Variants in CD4 observed in about 807,000 individuals in gnomAD.
CD4 encodes CD4 molecule.
A neutral mutation model predicts 50.5 loss-of-function variants in CD4; 25 were observed. The ratio of observed to expected loss-of-function variants is 0.49; its 90% CI spans 0.36 to 0.69. CD4 has a LOEUF of 0.69. CD4 is among the 30% of genes least tolerant of loss of function. The probability of loss-of-function intolerance (pLI) is 0.00; values close to 1 mark genes in which losing one functional copy is unlikely to be tolerated. For missense variants in CD4, 456 were observed against 548.5 expected (o/e 0.83, Z 1.68); for synonymous variants, 207 against 221.9 (o/e 0.93, Z 0.60).
intron 4 of CD4, 108 bp downstream of exon 4, chr12:6,814,408 A>G: frequency 8.4e-7 from 1 of 1,196,444 alleles, no homozygotes; most frequent in Non-Finnish European, 1.2e-6. Flanking sequence ...CAGCAGCCCC[A>G]AGAGGACCAG....
At position 6,816,855 on chromosome 12, in the gene CD4, C is replaced by T. The variant is rs1362872321; in HGVS notation, c.956-275C>T. Among the ~76,000 whole-genome samples the T allele has an allele frequency of 6.6e-6, 1 of 152,214 alleles. No individual in the cohort carries two copies. The highest frequency in any genetic ancestry group is 2.4e-5 in the African/African-American group (1 of 41,446). Reference sequence around the variant, plus strand: ...AATGGCTAACACTTGATGCTCAGCACGTGTCGGGCCCCATCCAAACACTTT... The same window carrying T: ...AATGGCTAACACTTGATGCTCAGCATGTGTCGGGCCCCATCCAAACACTTT... On this transcript the variant is annotated intron_variant, in intron 6 of 9. Coordinates refer to ENST00000011653, the MANE Select transcript of CD4 (RefSeq NM_000616.5). This position sits in a 1 kb window ranked among gnomAD's most constrained non-coding sequence, Gnocchi z 4.9.
At chr12:6,811,434 G>A (rs1388614075) in intron 3 of CD4, among the ~76,000 whole-genome samples, 2 of 151,244 alleles carry the variant, frequency 1.3e-5, no homozygotes, top group African/African-American at 4.9e-5. Flanking sequence ...TAGCGAAATA[G>A]CCTGAATTAT....
Position 6,800,128 on chromosome 12 carries a change from G to A in CD4, c.-11G>A, listed in dbSNP as rs782169454. The A allele has an allele frequency of 3.7e-6, 6 of 1,613,664 alleles. No individual in the cohort carries two copies. The highest frequency in any genetic ancestry group is 3.3e-4 in the Middle Eastern group (2 of 6,068). On this transcript the variant is annotated 5_prime_UTR_variant, in exon 2 of 10. Transcript: ENST00000011653. ...CTGGCTCAGGCCCCTGCCTCCCTCG[G>A]CAAGGCCACAATGAACCGGGGAGTC...
rs199890832 is a variant in CD4 at position 6,800,433 on chromosome 12, T to A, written c.176T>A (p.Ile59Lys). Reference protein sequence around the residue: ...IQFHWKNSNQIKILGNQGSFL... With the variant: ...IQFHWKNSNQKKILGNQGSFL... ...TTCCACTGGAAAAACTCCAACCAGA[T>A]AAAGATTCTGGGAAATCAGGGCTCC... is the stretch of plus-strand genomic sequence containing the variant. Residue 59 changes from isoleucine (I) to lysine (K), a missense_variant, in exon 3 of 10, where the codon ATA becomes AAA. Transcript: ENST00000011653. The A allele has an allele frequency of 1.2e-5, 20 of 1,613,976 alleles. No homozygotes were observed. The highest frequency in any genetic ancestry group is 1.6e-5 in the Non-Finnish European group (19 of 1,179,962).
chr12:6,801,159 G>C (rs782604367), intron 3 of CD4, among the ~76,000 whole-genome samples: 6 of 151,256 alleles, frequency 4.0e-5, no homozygotes, highest in Non-Finnish European at 7.4e-5. Flanking sequence ...ACTCACCTTG[G>C]CCTCTCAGAG....
chr12:6,799,654 T>C (rs1942476102), intron 1 of CD4: 1 of 155,126 alleles, frequency 6.4e-6, no homozygotes, highest in Non-Finnish European at 1.4e-5. Context: ...CTAATTTTTG[T>C]ATTTTTAGTA....
chr12:6,804,456 A>C, intron 3 of CD4, among the ~76,000 whole-genome samples: 1 of 152,386 alleles, frequency 6.6e-6, no homozygotes, highest in South Asian at 2.1e-4. Context: ...GAAACTTCTT[A>C]GAATTAATAA....
intron 3 of CD4, among the ~76,000 whole-genome samples, chr12:6,804,957 A>G (rs1310526390): frequency 6.7e-6 from 1 of 149,980 alleles, no homozygotes; most frequent in Non-Finnish European, 1.5e-5. Context: ...CGGAGCTTGC[A>G]GTGAGCTGAG....
chr12:6,814,107 G>A (rs1555117423), intron 3 of CD4, 35 bp from the exon 4 acceptor site: 12 of 1,591,922 alleles, frequency 7.5e-6, no homozygotes, highest in Middle Eastern at 1.7e-4. Context: ...TCTCCAGGGC[G>A]CCTCAGTCCC....
chr12:6,799,092 T>A (rs1003442648), intron 1 of CD4: 1 of 152,214 alleles, frequency 6.6e-6, no homozygotes, highest in Admixed American at 6.5e-5. Flanking sequence ...TCTCAGAGCA[T>A]CCAGTTAGGG....
At chr12:6,789,866 C>T (rs1347649503) in intron 1 of CD4, among the ~76,000 whole-genome samples, 1 of 152,238 alleles carries the variant, frequency 6.6e-6, no homozygotes, top group Non-Finnish European at 1.5e-5. Context: ...AGACTCCTCT[C>T]TGCAGCCCCA....
chr12:6,808,352 T>C (rs782283545), intron 3 of CD4, among the ~76,000 whole-genome samples: 52 of 107,790 alleles, frequency 4.8e-4, no homozygotes, highest in Admixed American at 8.8e-4. Context: ...CTTGGGAGGC[T>C]GAGGCAGGAG....
intron 3 of CD4, among the ~76,000 whole-genome samples, chr12:6,806,188 CAAGT>C (rs869168039): frequency 2.7e-5 from 2 of 74,756 alleles, no homozygotes; most frequent in Admixed American, 1.5e-4. Flanking sequence ...CACACATACA[CAAGT>C]ATATACACAT....
At position 6,818,736 on chromosome 12, in the gene CD4, G is replaced by C. The variant is rs1242726501; in HGVS notation, c.1279-111G>C. ...GAGTTAATTCCAGGATAGATGGCCTGGGCCATGTAACTGCTTCTCCTGTCG... is the reference window on the plus strand; with the variant it reads ...GAGTTAATTCCAGGATAGATGGCCTCGGCCATGTAACTGCTTCTCCTGTCG... On this transcript the variant is annotated intron_variant, in intron 8 of 9. Transcript: ENST00000011653. The surrounding 1 kb of genome is among the most constrained non-coding windows in gnomAD (Gnocchi z 5.0). 2 of 1,200,624 alleles carry C rather than the reference G, an allele frequency of 1.7e-6. No individual in the cohort carries two copies. The highest frequency in any genetic ancestry group is 2.5e-6 in the Non-Finnish European group (2 of 808,168). The allele number at this position is 1,200,624 out of a possible 1,614,324, so 74.4% of individuals were successfully genotyped here.
Position 6,819,719 on chromosome 12 carries a change from T to G in CD4, c.*390T>G, listed in dbSNP as rs1943220058. 1 of 215,566 alleles carries G rather than the reference T, an allele frequency of 4.6e-6. No homozygotes were observed. Among genetic ancestry groups the G allele is most frequent in the African/African-American group, 2.3e-5 (1 of 43,102 alleles). 13.4% of individuals were successfully genotyped at this position (215,566 alleles called of 1,614,324 possible). On this transcript the variant is annotated 3_prime_UTR_variant, in exon 10 of 10. Transcript: ENST00000011653. ...ACTGTTCTTTTACAAGACAGGACCC[T>G]GGGACCACAGAGGGCAGGAACTTGC... is the stretch of plus-strand genomic sequence containing the variant.
At position 6,819,372 on chromosome 12, in the gene CD4, T is replaced by A; in HGVS notation, c.*43T>A. The A allele has an allele frequency of 6.3e-7, 1 of 1,598,550 alleles. No homozygotes were observed. Among genetic ancestry groups the A allele is most frequent in the South Asian group, 1.1e-5 (1 of 90,734 alleles). On this transcript the variant is annotated 3_prime_UTR_variant, in exon 10 of 10. Coordinates refer to ENST00000011653, the MANE Select transcript of CD4 (RefSeq NM_000616.5). Reference sequence around the variant, plus strand: ...ATCCCACTTGCAGCCTCCCCAGGTGTCTGCCCCGCGTTTCCTGCCTGCGGA... The same window carrying A: ...ATCCCACTTGCAGCCTCCCCAGGTGACTGCCCCGCGTTTCCTGCCTGCGGA...
chr12:6,805,563 G>GAAAAAAA (rs59122472), intron 3 of CD4, among the ~76,000 whole-genome samples: 1 of 140,822 alleles, frequency 7.1e-6, no homozygotes, highest in Non-Finnish European at 1.5e-5. Context: ...TCTGTCTCCC[G>GAAAAAAA]AAAAAAAAAA....
intron 3 of CD4, among the ~76,000 whole-genome samples, chr12:6,810,726 A>G (rs1942912890): frequency 1.3e-5 from 2 of 152,218 alleles, no homozygotes; most frequent in South Asian, 4.1e-4. Flanking sequence ...CACGCTTTTA[A>G]GAAGTTTGGT....
intron 1 of CD4, among the ~76,000 whole-genome samples, chr12:6,798,151 A>T (rs1384533254): frequency 2.7e-5 from 4 of 150,870 alleles, no homozygotes; most frequent in African/African-American, 9.7e-5. Context: ...TTCACCAAGC[A>T]CACTGCCTGC....
Sources: allele counts gnomAD v4.1 joint callset (sites outside exome capture counted in the v4.1 genomes callset), GRCh38; gene constraint gnomAD v4.1.1; non-coding constraint Gnocchi (gnomAD v3.1); transcripts MANE v1.5; gene names NCBI Gene and HGNC (gene_info 2026-07-23, HGNC 2026-07-21).